CATIP: variants seen among roughly 807,000 people sequenced by gnomAD.
CATIP encodes ciliogenesis associated TTC17 interacting protein.
Under a neutral mutation model 42.5 loss-of-function variants are expected in CATIP, and 40 were observed. The observed-to-expected ratio is 0.94, with a 90% CI of 0.73 to 1.22. CATIP has a LOEUF of 1.22. Among genes scored for constraint, CATIP ranks in the 50% most tolerant of loss-of-function variants. CATIP has a pLI of 0.00. For missense variants in CATIP, 489 were observed against 496.0 expected (o/e 0.99, Z 0.13); for synonymous variants, 222 against 200.2 (o/e 1.11, Z -0.92).
chr2:218,358,205 G>A, intron 4 of CATIP, 113 bp downstream of exon 4: 1 of 800,712 alleles, frequency 1.2e-6, no homozygotes, highest in South Asian at 1.7e-5. Context: ...CAGTGAAGCT[G>A]AAGAATAGCA....
In CATIP at chr2:218,358,186, T is replaced by C. The variant is rs73073016; in HGVS notation, c.375+94T>C. The C allele has an allele frequency of 3.3e-3, 3,114 of 945,718 alleles. 78 individuals are homozygous for C. In the African/African-American group the frequency reaches 0.044, roughly 13 times the overall value. 58.6% of individuals were successfully genotyped at this position (945,718 alleles called of 1,614,324 possible). A position where few individuals can be genotyped will look rare whatever the true frequency, so the allele number is the denominator to read the frequency against. On this transcript the variant is annotated intron_variant, in intron 4 of 9. Transcript: ENST00000289388. ...CAGCAACAACAAACCAAAAAACCTA[T>C]TACATACACAGTGAAGCTGAAGAAT...
At position 218,362,736 on chromosome 2, in the gene CATIP, A is replaced by G. The variant is rs1695278468; in HGVS notation, c.464A>G (p.Glu155Gly). The G allele has an allele frequency of 3.1e-6, 5 of 1,613,868 alleles. No homozygotes were observed. Among genetic ancestry groups the G allele is most frequent in the East Asian group, 4.5e-5 (2 of 44,870 alleles). ...AVTRSIKEGE[E>G]VKTGVTSFPW... ...CTGACCCAGATCAGTTCTGAACAGGAAGTGAAGACTGGAGTGACTTCTTTC... is the reference window on the plus strand; with the variant it reads ...CTGACCCAGATCAGTTCTGAACAGGGAGTGAAGACTGGAGTGACTTCTTTC... The change falls in exon 6 of 10, where the codon GAA (glutamate) becomes GGA (glycine). Residue 155 changes from glutamate (E) to glycine (G), a missense_variant and splice_region_variant. Coordinates refer to ENST00000289388, the MANE Select transcript of CATIP (RefSeq NM_198559.2).
At chr2:218,360,786 G>A in intron 5 of CATIP, 127 bp downstream of exon 5, 1 of 613,802 alleles carries the variant, frequency 1.6e-6, no homozygotes. Context: ...ACAGCCTCAG[G>A]AGGTCCTGAG....
At chr2:218,362,003 C>T (rs1204814900) in intron 5 of CATIP, among the ~76,000 whole-genome samples, 2 of 135,976 alleles carry the variant, frequency 1.5e-5, no homozygotes, top group Admixed American at 7.3e-5. Context: ...AGCGAGACCC[C>T]GTTCTCCAGA....
At position 218,356,881 on chromosome 2, in the gene CATIP, C is replaced by T. The variant is rs1196096227; in HGVS notation, c.-4C>T. 6.2e-7 allele frequency: 1 copy of T among 1,613,946 alleles called. No homozygotes were observed. Among genetic ancestry groups the T allele is most frequent in the Admixed American group, 1.7e-5 (1 of 59,994 alleles). On this transcript the variant is annotated 5_prime_UTR_variant, in exon 1 of 10. Coordinates refer to ENST00000289388, the MANE Select transcript of CATIP (RefSeq NM_198559.2). ...CACAGACCGGGTAGAGGCAGGCCCA[C>T]AGCATGTCCTCCAAGGTTTACTCCA...
Position 218,360,565 on chromosome 2 carries a change from GC to G in CATIP, c.376-5del. Reference sequence around the variant, plus strand: ...CCCTGATCCTCCCCCGCATGCTCTGGCCCTCAGTTCCTCATCCTCCCCATGG... The same window carrying G: ...CCCTGATCCTCCCCCGCATGCTCTGGCCTCAGTTCCTCATCCTCCCCATGG... On this transcript the variant is annotated splice_polypyrimidine_tract_variant and splice_region_variant and intron_variant, in intron 4 of 9. Coordinates refer to ENST00000289388, the MANE Select transcript of CATIP (RefSeq NM_198559.2). 6.2e-7 allele frequency: 1 copy of G among 1,611,934 alleles called. No individual in the cohort carries two copies.
chr2:218,366,841 T>C (rs1398211662), intron 7 of CATIP, 183 bp from the exon 8 acceptor site: 5 of 617,716 alleles, frequency 8.1e-6, no homozygotes, highest in African/African-American at 7.3e-5. Context: ...GCATCACCCT[T>C]TTCTCATAAG....
chr2:218,364,864 T>C, intron 7 of CATIP, 112 bp downstream of exon 7: 2 of 1,199,132 alleles, frequency 1.7e-6, no homozygotes, highest in South Asian at 3.0e-5. Flanking sequence ...GATAGGAGTG[T>C]CCCTCCGCTT....
At chr2:218,364,783 G>T (rs1206871491) in intron 7 of CATIP, 31 bp downstream of exon 7, 2 of 1,599,726 alleles carry the variant, frequency 1.3e-6, no homozygotes, top group Non-Finnish European at 1.7e-6. Context: ...CCAGAGGGGT[G>T]GTGCTGAGCT....
chr2:218,367,633 C>A, intron 9 of CATIP, 89 bp from the exon 10 acceptor site: 2 of 1,588,740 alleles, frequency 1.3e-6, no homozygotes, highest in South Asian at 1.1e-5. Context: ...GGCTCCAGCG[C>A]CCCTTAGCTC....
chr2:218,363,822 A>C (rs1056624466), intron 6 of CATIP, among the ~76,000 whole-genome samples: 6 of 152,196 alleles, frequency 3.9e-5, no homozygotes, highest in Non-Finnish European at 7.3e-5. Context: ...AAAATAAATA[A>C]ATAAAAATAA....
At chr2:218,367,585 C>A in intron 9 of CATIP, 67 bp downstream of exon 9, 1 of 1,602,606 alleles carries the variant, frequency 6.2e-7, no homozygotes, top group Non-Finnish European at 8.5e-7. Context: ...TTACTGATCT[C>A]TGCACCTGAT....
At chr2:218,365,819 C>CTT (rs1695413196) in intron 7 of CATIP, 1 of 151,618 alleles carries the variant, frequency 6.6e-6, no homozygotes, top group Admixed American at 6.6e-5. Context: ...CTCTTTCTCT[C>CTT]TCTCTGTCTC....
At chr2:218,367,678 CG>C in intron 9 of CATIP, 43 bp from the exon 10 acceptor site, 1 of 1,574,964 alleles carries the variant, frequency 6.3e-7, no homozygotes. Flanking sequence ...TCCTGGGGCG[CG>C]GGGGTCCCGT....
intron 6 of CATIP, 88 bp downstream of exon 6, chr2:218,362,990 T>C (rs1695288960): frequency 7.5e-7 from 1 of 1,327,168 alleles, no homozygotes; most frequent in East Asian, 2.5e-5. Flanking sequence ...AGCTGTGGAG[T>C]AGAAAAGGGA....
intron 4 of CATIP, among the ~76,000 whole-genome samples, chr2:218,358,641 G>T (rs929604300): frequency 6.6e-6 from 1 of 152,156 alleles, no homozygotes; most frequent in Non-Finnish European, 1.5e-5. Context: ...GGAGGCCAAA[G>T]TGGGAGGATC....
chr2:218,367,679 G>T (rs756136276), intron 9 of CATIP, 43 bp from the exon 10 acceptor site: 2 of 1,576,084 alleles, frequency 1.3e-6, no homozygotes, highest in South Asian at 1.1e-5. Context: ...CCTGGGGCGC[G>T]GGGGTCCCGT....
At chr2:218,358,829 A>C (rs531189238) in intron 4 of CATIP, among the ~76,000 whole-genome samples, 47 of 149,496 alleles carry the variant, frequency 3.1e-4, no homozygotes, top group Non-Finnish European at 5.6e-4. Context: ...GACTGCAGTG[A>C]GCAATGTGCG....
Position 218,364,705 on chromosome 2 carries a change from G to A in CATIP, c.708G>A (p.Ala236=), listed in dbSNP as rs148292950. 5.6e-4 allele frequency: 909 copies of A among 1,613,870 alleles called. 11 individuals carry two copies. In the East Asian group the frequency reaches 0.015, roughly 26 times the overall value. Residue 236 remains alanine (A), a synonymous_variant, in exon 7 of 10, where the codon GCG becomes GCA. Transcript: ENST00000289388. ...EVFIVEQTVH[A]EEGIPMSCQY... ...TCATCGTGGAGCAGACTGTCCACGCGGAGGAGGGCATCCCCATGTCCTGCC... is the reference window on the plus strand; with the variant it reads ...TCATCGTGGAGCAGACTGTCCACGCAGAGGAGGGCATCCCCATGTCCTGCC...
Sources: gnomAD v4.1 joint callset for allele counts (sites outside exome capture counted in the v4.1 genomes callset) on GRCh38, gnomAD v4.1.1 for gene constraint, MANE v1.5 for transcripts, NCBI Gene and HGNC (gene_info 2026-07-23, HGNC 2026-07-21) for gene names.